NTN4: variants seen among roughly 807,000 people sequenced by gnomAD.
NTN4 encodes netrin-4.
NTN4 carries 32 observed loss-of-function variants against 73.6 expected under a neutral mutation model. That is an observed-to-expected ratio of 0.44 (90% CI 0.33 to 0.58). The LOEUF (loss-of-function observed/expected upper bound fraction) is 0.58. Among genes scored for constraint, NTN4 ranks in the 20% least tolerant of loss-of-function variants. The probability of loss-of-function intolerance (pLI) is 0.04; values close to 1 mark genes in which losing one functional copy is unlikely to be tolerated. For missense variants in NTN4, 654 were observed against 798.3 expected (o/e 0.82, Z 2.18); for synonymous variants, 258 against 287.5 (o/e 0.90, Z 1.04).
At chr12:95,777,377 A>G (rs1235413920) in intron 2 of NTN4, among the ~76,000 whole-genome samples, 4 of 152,200 alleles carry the variant, frequency 2.6e-5, no homozygotes, top group Non-Finnish European at 5.9e-5. Context: ...AAATTGGATA[A>G]AGAGTCAAGA....
intron 3 of NTN4, among the ~76,000 whole-genome samples, chr12:95,717,460 G>A (rs1198565882): frequency 6.6e-6 from 1 of 152,120 alleles, no homozygotes; most frequent in Non-Finnish European, 1.5e-5. Context: ...TCTGAAAGAT[G>A]CTAGCCCAGC....
At chr12:95,730,527 C>T (rs1592690641) in intron 3 of NTN4, among the ~76,000 whole-genome samples, 2 of 152,142 alleles carry the variant, frequency 1.3e-5, no homozygotes, top group Admixed American at 1.3e-4. Flanking sequence ...TCATCAGAAA[C>T]AGTAATCCTG....
At chr12:95,698,026 T>C (rs1423527566) in intron 5 of NTN4, among the ~76,000 whole-genome samples, 1 of 152,238 alleles carries the variant, frequency 6.6e-6, no homozygotes, top group Non-Finnish European at 1.5e-5. Flanking sequence ...TTAGGTATTA[T>C]AAGTAACCTA....
chr12:95,767,237 C>A (rs935301518), intron 2 of NTN4, among the ~76,000 whole-genome samples: 4 of 152,134 alleles, frequency 2.6e-5, no homozygotes, highest in African/African-American at 9.7e-5. Context: ...TTCCATGGAA[C>A]TCCCTGCTCT....
At chr12:95,672,781 A>C in intron 7 of NTN4, 1 of 1,313,048 alleles carries the variant, frequency 7.6e-7, no homozygotes, top group South Asian at 1.2e-5. Flanking sequence ...GAAGGACACT[A>C]TTGCCAGCGC....
At chr12:95,673,677 T>C (rs2078251744) in intron 7 of NTN4, 1 of 152,370 alleles carries the variant, frequency 6.6e-6, no homozygotes, top group East Asian at 1.9e-4. Flanking sequence ...CCATAATCCT[T>C]CTCGGATCTC....
At chr12:95,763,197 G>A (rs1019982120) in intron 2 of NTN4, among the ~76,000 whole-genome samples, 1 of 152,096 alleles carries the variant, frequency 6.6e-6, no homozygotes, top group Admixed American at 6.5e-5. Flanking sequence ...CCTAATTCTT[G>A]AAAATTGATC....
intron 2 of NTN4, among the ~76,000 whole-genome samples, chr12:95,756,407 A>C (rs940886847): frequency 2.0e-5 from 3 of 152,148 alleles, no homozygotes. Flanking sequence ...TTGAAAAATC[A>C]CTGCCCTTTA....
chr12:95,761,789 T>A (rs2078990385), intron 2 of NTN4, among the ~76,000 whole-genome samples: 1 of 152,200 alleles, frequency 6.6e-6, no homozygotes. Context: ...GTCTACCTAA[T>A]TATATCTACA....
intron 2 of NTN4, among the ~76,000 whole-genome samples, chr12:95,740,525 G>A (rs986280996): frequency 1.3e-5 from 2 of 152,176 alleles, no homozygotes; most frequent in African/African-American, 4.8e-5. Context: ...GCATACTTCA[G>A]TATTTCTGGC....
intron 5 of NTN4, among the ~76,000 whole-genome samples, chr12:95,700,696 G>T (rs1054419277): frequency 6.6e-6 from 1 of 152,052 alleles, no homozygotes; most frequent in Admixed American, 6.6e-5. Flanking sequence ...ATCAGGTCAG[G>T]GTTCCCTCCC....
At chr12:95,677,351 C>T (rs1208875858) in intron 7 of NTN4, among the ~76,000 whole-genome samples, 2 of 148,220 alleles carry the variant, frequency 1.3e-5, no homozygotes, top group Non-Finnish European at 3.0e-5. Context: ...CTCATAGACA[C>T]TGTGTCTCAA....
intron 2 of NTN4, 102 bp downstream of exon 2, chr12:95,786,837 A>G: frequency 1.1e-6 from 1 of 883,432 alleles, no homozygotes. Flanking sequence ...TTCTAATTTC[A>G]TTCATGTTGC....
rs557973212 is a variant in NTN4 at position 95,682,057 on chromosome 12, C to CTTTTTTTTTTTTT, written c.1510+637_1510+649dup. On this transcript the variant is annotated intron_variant, in intron 7 of 9. Transcript: ENST00000343702. ...TTCCAAACCTAATATATTCAGTAGG[C>CTTTTTTTTTTTTT]TTTTTTTTTTTTTTTTTTTTTTTGA... 6.6e-3 allele frequency among the ~76,000 whole-genome samples: 423 copies of CTTTTTTTTTTTTT among 64,516 alleles called. 117 individuals are homozygous for CTTTTTTTTTTTTT. The highest frequency in any genetic ancestry group is 0.021 in the East Asian group (38 of 1,842). The allele number at this position is 64,516 out of a possible 152,430, so 42.3% of individuals were successfully genotyped here. A position where few individuals can be genotyped will look rare whatever the true frequency, so the allele number is the denominator to read the frequency against.
chr12:95,751,230 G>C (rs2078904750), intron 2 of NTN4, among the ~76,000 whole-genome samples: 2 of 151,352 alleles, frequency 1.3e-5, no homozygotes, highest in African/African-American at 4.9e-5. Flanking sequence ...TACAATAATA[G>C]AAAAAAGTTG....
intron 3 of NTN4, among the ~76,000 whole-genome samples, chr12:95,726,616 T>C (rs1361640303): frequency 6.6e-6 from 1 of 152,152 alleles, no homozygotes; most frequent in African/African-American, 2.4e-5. Flanking sequence ...TCAATTCACT[T>C]GTGTATATAC....
intron 5 of NTN4, among the ~76,000 whole-genome samples, chr12:95,702,983 A>C (rs1453517351): frequency 1.3e-5 from 2 of 151,012 alleles, no homozygotes; most frequent in Admixed American, 6.7e-5. Flanking sequence ...TCAGCCTCCT[A>C]AGCAGGTGGG....
chr12:95,715,471 C>T (rs2078598514), intron 3 of NTN4, among the ~76,000 whole-genome samples: 1 of 152,062 alleles, frequency 6.6e-6, no homozygotes, highest in African/African-American at 2.4e-5. Context: ...TTGGAATCCC[C>T]AAGTATGAAT....
rs374724147 is a variant in NTN4, at chr12:95,744,192, G to A, written c.586-6048C>T. 1.1e-4 allele frequency among the ~76,000 whole-genome samples: 17 copies of A among 152,058 alleles called. No individual in the cohort carries two copies. The East Asian group carries it at 2.5e-3, about 23-fold the overall frequency. On this transcript the variant is annotated intron_variant, in intron 2 of 9. Transcript: ENST00000343702. Reference sequence around the variant, plus strand: ...GCTGGGATTACAGGCCTGAGCCACCGTGCCCCGCCAACATGGAGGATTGTT... The same window carrying A: ...GCTGGGATTACAGGCCTGAGCCACCATGCCCCGCCAACATGGAGGATTGTT...
Sources: gnomAD v4.1 joint callset for allele counts (sites outside exome capture counted in the v4.1 genomes callset) on GRCh38, gnomAD v4.1.1 for gene constraint, MANE v1.5 for transcripts, NCBI Gene and HGNC (gene_info 2026-07-23, HGNC 2026-07-21) for gene names.